Variants in PLEKHA5 observed in about 807,000 individuals in gnomAD.
PLEKHA5 encodes the protein pleckstrin homology domain containing A5, also known as pleckstrin homology domain-containing family A member 5.
In PLEKHA5, 55 loss-of-function variants were observed where a neutral mutation model predicts 181.9. That is an observed-to-expected ratio of 0.30 (90% CI 0.24 to 0.38). The LOEUF (loss-of-function observed/expected upper bound fraction) is 0.38. PLEKHA5 is among the 10% of genes least tolerant of loss of function. PLEKHA5 has a pLI of 1.00. For synonymous variants in PLEKHA5, 535 were observed against 529.4 expected (o/e 1.01, Z -0.15); for missense variants, 1,432 against 1,549.5 (o/e 0.92, Z 1.27).
chr12:19,184,992 G>T (rs2049492364), intron 3 of PLEKHA5, among the ~76,000 whole-genome samples: 1 of 152,260 alleles, frequency 6.6e-6, no homozygotes, highest in African/African-American at 2.4e-5. Context: ...AGGAAGCAGA[G>T]TAAGGCACTG....
At chr12:19,154,145 G>A (rs2041120368) in intron 3 of PLEKHA5, 1 of 152,068 alleles carries the variant, frequency 6.6e-6, no homozygotes, top group African/African-American at 2.4e-5. Flanking sequence ...GGTAGTACTT[G>A]TGCCTTTATC....
At chr12:19,271,845 G>A (rs960406302) in intron 10 of PLEKHA5, among the ~76,000 whole-genome samples, 16 of 152,040 alleles carry the variant, frequency 1.1e-4, no homozygotes, top group Admixed American at 6.6e-5. Flanking sequence ...TACCACCTGC[G>A]TGCCCAGCTT....
chr12:19,356,786 G>A (rs1000523489), intron 26 of PLEKHA5, among the ~76,000 whole-genome samples: 5 of 142,948 alleles, frequency 3.5e-5, no homozygotes, highest in Admixed American at 3.0e-4. Context: ...TCGGCCTCCC[G>A]AGTAGCTGGG....
At chr12:19,146,293 C>T (rs1334827243) in intron 3 of PLEKHA5, among the ~76,000 whole-genome samples, 1 of 152,210 alleles carries the variant, frequency 6.6e-6, no homozygotes, top group Non-Finnish European at 1.5e-5. Context: ...TTCAGCCATG[C>T]ATGGCATCTT....
intron 6 of PLEKHA5, among the ~76,000 whole-genome samples, chr12:19,258,535 A>G (rs1038883413): frequency 8.4e-5 from 12 of 142,836 alleles, no homozygotes; most frequent in Non-Finnish European, 1.2e-4. Context: ...GTTTTTGCAC[A>G]TTTAGTTTCT....
At chr12:19,328,558 A>AGTGT (rs56041821) in intron 20 of PLEKHA5, among the ~76,000 whole-genome samples, 389 of 141,792 alleles carry the variant, frequency 2.7e-3, no homozygotes, top group East Asian at 8.6e-3. Flanking sequence ...CTTTCCTAGG[A>AGTGT]GTGTGTGTGT....
intron 20 of PLEKHA5, among the ~76,000 whole-genome samples, chr12:19,330,956 T>G (rs2092778141): frequency 6.6e-6 from 1 of 152,168 alleles, no homozygotes; most frequent in Non-Finnish European, 1.5e-5. Context: ...CTATTGCCTC[T>G]CCCTCATTTT....
intron 3 of PLEKHA5, among the ~76,000 whole-genome samples, chr12:19,158,726 T>C (rs1212857509): frequency 1.3e-5 from 2 of 152,142 alleles, no homozygotes. Context: ...GTTTGTGTAG[T>C]TTTGAAGTTT....
chr12:19,172,501 T>C (rs993105831), intron 3 of PLEKHA5, among the ~76,000 whole-genome samples: 9 of 152,280 alleles, frequency 5.9e-5, no homozygotes, highest in Non-Finnish European at 8.8e-5. Context: ...CAAGAAGATA[T>C]ACAGATTGCA....
chr12:19,366,418 G>C (rs1325024006), intron 30 of PLEKHA5, among the ~76,000 whole-genome samples: 2 of 152,106 alleles, frequency 1.3e-5, no homozygotes, highest in Non-Finnish European at 1.5e-5. Flanking sequence ...ATTTTGGGAG[G>C]CCGAGGCAGG....
At chr12:19,348,744 C>A (rs1421703167) in intron 25 of PLEKHA5, among the ~76,000 whole-genome samples, 3 of 152,126 alleles carry the variant, frequency 2.0e-5, no homozygotes, top group Non-Finnish European at 4.4e-5. Flanking sequence ...TGAGGCAGCA[C>A]CCTTTTTTTA....
chr12:19,186,081 A>G (rs1005042493), intron 3 of PLEKHA5, among the ~76,000 whole-genome samples: 11 of 152,162 alleles, frequency 7.2e-5, no homozygotes, highest in Non-Finnish European at 1.3e-4. Context: ...CATAGATACA[A>G]CGTAATTTGC....
intron 25 of PLEKHA5, among the ~76,000 whole-genome samples, chr12:19,350,993 A>G (rs2094567006): frequency 7.8e-6 from 1 of 128,382 alleles, no homozygotes; most frequent in South Asian, 2.4e-4. Flanking sequence ...GGATCTCACC[A>G]TCGGCCCAGG....
At chr12:19,271,454 T>C (rs995686979) in intron 10 of PLEKHA5, among the ~76,000 whole-genome samples, 7 of 152,078 alleles carry the variant, frequency 4.6e-5, no homozygotes, top group Admixed American at 3.3e-4. Flanking sequence ...CTGTGAGCTG[T>C]GACTGTGCCA....
At position 19,257,518 on chromosome 12, in the gene PLEKHA5, G is replaced by A. The variant is rs1411094148; in HGVS notation, c.518G>A (p.Arg173Gln). ...AATCCTAATGCACCGGTTGTCAGACGAGGTTGGCTTTATAAACAGGTATTT... is the reference window on the plus strand; with the variant it reads ...AATCCTAATGCACCGGTTGTCAGACAAGGTTGGCTTTATAAACAGGTATTT... ...KRNPNAPVVR[R>Q]GWLYKQDSTG... The change falls in exon 6 of 32, where the codon CGA becomes CAA. Residue 173 changes from arginine to glutamine, a missense_variant. Physicochemically the swap from Arg to Gln is conservative, Grantham distance 43. Around this residue, in one of 2 missense-constraint regions of PLEKHA5, gnomAD observed 289 missense variants for 381.1 expected, o/e 0.76. Transcript: ENST00000429027. 2 of 1,589,778 alleles carry A rather than the reference G, an allele frequency of 1.3e-6. No individual in the cohort carries two copies. Among genetic ancestry groups the A allele is most frequent in the East Asian group, 2.2e-5 (1 of 44,626 alleles).
intron 3 of PLEKHA5, among the ~76,000 whole-genome samples, chr12:19,203,015 AAAGGGTAAATCAGT>A (rs1369771350): frequency 6.6e-6 from 1 of 152,112 alleles, no homozygotes; most frequent in Non-Finnish European, 1.5e-5. Context: ...GCTGGTAGAG[AAAGGGTAAATCAGT>A]AAGTTAAAGA....
intron 27 of PLEKHA5, among the ~76,000 whole-genome samples, chr12:19,359,113 A>G (rs12831681): frequency 0.1 from 15,355 of 152,214 alleles, 864 homozygotes; most frequent in Middle Eastern, 0.18. Context: ...TGTCCTAATG[A>G]ATATCCCCTC....
rs2067835655 is a variant in PLEKHA5 at position 19,259,628 on chromosome 12, G to A, written c.538-1321G>A. Among the ~76,000 whole-genome samples the A allele has an allele frequency of 2.6e-5, 4 of 151,882 alleles. No individual in the cohort carries two copies. In the South Asian group the frequency reaches 8.3e-4, roughly 32 times the overall value. On this transcript the variant is annotated intron_variant, in intron 6 of 31. Coordinates refer to ENST00000429027, the MANE Select transcript of PLEKHA5 (RefSeq NM_001256470.2). ...TAGCCAGCTGTAGTGGTGCACGACT[G>A]TAATCCTAGCTACTCGGGAGGCTGA...
chr12:19,338,945 G>C (rs2093665014), intron 21 of PLEKHA5, among the ~76,000 whole-genome samples: 2 of 151,676 alleles, frequency 1.3e-5, no homozygotes, highest in Admixed American at 1.3e-4. Context: ...TAGAAAAATA[G>C]CTATAAATAC....
Sources: allele counts gnomAD v4.1 joint callset (sites outside exome capture counted in the v4.1 genomes callset), GRCh38; gene constraint gnomAD v4.1.1; regional missense constraint gnomAD v4.1.1; transcripts MANE v1.5; gene names NCBI Gene and HGNC (gene_info 2026-07-23, HGNC 2026-07-21).